SLC6A15: variants seen among roughly 807,000 people sequenced by gnomAD.
SLC6A15 encodes the protein solute carrier family 6 member 15.
In SLC6A15, 33 loss-of-function variants were observed where a neutral mutation model predicts 68.5. That is an observed-to-expected ratio of 0.48 (90% CI 0.37 to 0.64). SLC6A15 has a LOEUF of 0.64. SLC6A15 is among the 30% of genes least tolerant of loss of function. The pLI is 0.00. For synonymous variants in SLC6A15, 347 were observed against 301.0 expected, an observed-to-expected ratio of 1.15 and a Z score of -1.58; for missense variants, 747 against 874.3, an observed-to-expected ratio of 0.85 and a Z score of 1.84.
chr12:84,879,577 C>T (rs758693736), intron 5 of SLC6A15, among the ~76,000 whole-genome samples: 17 of 151,802 alleles, frequency 1.1e-4, no homozygotes, highest in African/African-American at 3.1e-4. Context: ...CCACCCGCCT[C>T]GGCCTCCAAA....
At chr12:84,912,326 G>A (rs1230263326) in intron 1 of SLC6A15, among the ~76,000 whole-genome samples, 197 bp downstream of exon 1, 3 of 152,076 alleles carry the variant, frequency 2.0e-5, no homozygotes, top group Non-Finnish European at 2.9e-5. Flanking sequence ...AGAGTTAGAC[G>A]GTTGCCCGCC....
chr12:84,896,103 T>G (rs1872627613), intron 1 of SLC6A15, among the ~76,000 whole-genome samples: 1 of 152,190 alleles, frequency 6.6e-6, no homozygotes, highest in Admixed American at 6.5e-5. Context: ...CTTAGCAGCA[T>G]CCATTCTTGT....
At chr12:84,905,201 A>C (rs1397127190) in intron 1 of SLC6A15, among the ~76,000 whole-genome samples, 1 of 152,174 alleles carries the variant, frequency 6.6e-6, no homozygotes, top group African/African-American at 2.4e-5. Flanking sequence ...GTGATGTATA[A>C]AAAGAATTAT....
At chr12:84,883,666 A>G in intron 5 of SLC6A15, 193 bp downstream of exon 5, 2 of 1,509,062 alleles carry the variant, frequency 1.3e-6, no homozygotes, top group South Asian at 2.7e-5. Context: ...AGATTTCACT[A>G]TAAAACACTG....
At chr12:84,896,407 C>A (rs1399137841) in intron 1 of SLC6A15, among the ~76,000 whole-genome samples, 2 of 152,078 alleles carry the variant, frequency 1.3e-5, no homozygotes, top group East Asian at 3.8e-4. Flanking sequence ...CGTATCCATG[C>A]CCGTAGATTT....
intron 1 of SLC6A15, among the ~76,000 whole-genome samples, chr12:84,903,465 T>C (rs113234655): frequency 0.041 from 6,270 of 152,186 alleles, 403 homozygotes; most frequent in African/African-American, 0.14. Context: ...TTTAATGTCT[T>C]AAAACAACAG....
At chr12:84,908,729 A>ATG (rs1555183596) in intron 1 of SLC6A15, among the ~76,000 whole-genome samples, 1 of 151,726 alleles carries the variant, frequency 6.6e-6, no homozygotes, top group African/African-American at 2.4e-5. Context: ...GCATATATAT[A>ATG]TGTGTGTATA....
intron 5 of SLC6A15, 44 bp from the exon 6 acceptor site, chr12:84,876,651 T>A (rs774776796): frequency 1.1e-6 from 1 of 885,584 alleles, no homozygotes; most frequent in African/African-American, 1.7e-5. Context: ...ACAATGACCA[T>A]TTTTTTATAG....
chr12:84,881,656 C>G (rs1871827079), intron 5 of SLC6A15: 1 of 980,382 alleles, frequency 1.0e-6, no homozygotes, highest in African/African-American at 1.8e-5. Flanking sequence ...CACCAGCTGA[C>G]TCATTCTTCT....
intron 4 of SLC6A15, among the ~76,000 whole-genome samples, 186 bp downstream of exon 4, chr12:84,885,249 A>C (rs1249858242): frequency 6.6e-6 from 1 of 152,146 alleles, no homozygotes; most frequent in Non-Finnish European, 1.5e-5. Flanking sequence ...GAGCTAAAAA[A>C]ATTAGATGGT....
In SLC6A15 at chr12:84,861,853, T is replaced by C; in HGVS notation, c.1972A>G (p.Lys658Glu). The C allele has an allele frequency of 6.2e-7, 1 of 1,613,898 alleles. No individual in the cohort carries two copies. Among genetic ancestry groups the C allele is most frequent in the Non-Finnish European group, 8.5e-7 (1 of 1,179,914 alleles). Residue 658 changes from lysine (K) to glutamate (E), a missense_variant, in exon 12 of 12, where the codon AAG (lysine) becomes GAG (glutamate). Lys to Glu is a moderately conservative substitution (Grantham distance 56). Coordinates refer to ENST00000266682, the MANE Select transcript of SLC6A15 (RefSeq NM_182767.6). ...SSGNLASVTYKRGRVLKEPVN... is the reference protein window; with the variant it reads ...SSGNLASVTYERGRVLKEPVN... ...GGCTCTTTCAGGACCCTTCCTCTCT[T>C]ATAGGTCACAGATGCTAAATTACCA...
intron 9 of SLC6A15, among the ~76,000 whole-genome samples, chr12:84,869,122 A>T (rs1871179208): frequency 6.6e-6 from 1 of 152,154 alleles, no homozygotes; most frequent in Non-Finnish European, 1.5e-5. Flanking sequence ...ATAAAGGTAT[A>T]TATTTGAGAC....
rs1462488747 is a variant in SLC6A15, at chr12:84,867,289, TTA to T, written c.1496-98_1496-97del. 13 of 1,017,188 alleles carry T rather than the reference TTA, an allele frequency of 1.3e-5. No individual in the cohort carries two copies. In the African/African-American group the frequency reaches 1.8e-4, roughly 14 times the overall value. 63.0% of individuals were successfully genotyped at this position (1,017,188 alleles called of 1,614,324 possible). On this transcript the variant is annotated intron_variant, in intron 9 of 11. Coordinates refer to ENST00000266682, the MANE Select transcript of SLC6A15 (RefSeq NM_182767.6). ...TATTATATTCAAACTTTTAAAACTT[TTA>T]TAACATGTCCATCATATAAACAGGC...
intron 5 of SLC6A15, chr12:84,882,994 T>C (rs1322692676): frequency 1.9e-5 from 19 of 983,434 alleles, no homozygotes; most frequent in Non-Finnish European, 2.3e-5. Context: ...TAGTATATGA[T>C]GATGAGTGGT....
At chr12:84,887,333 C>A (rs574382366) in intron 2 of SLC6A15, among the ~76,000 whole-genome samples, 2 of 152,232 alleles carry the variant, frequency 1.3e-5, no homozygotes, top group African/African-American at 4.8e-5. Context: ...TAGTGGAACA[C>A]AAATACATAG....
At chr12:84,887,609 T>C (rs1477089090) in intron 2 of SLC6A15, among the ~76,000 whole-genome samples, 1 of 152,178 alleles carries the variant, frequency 6.6e-6, no homozygotes, top group African/African-American at 2.4e-5. Flanking sequence ...ATTCAGGAAC[T>C]GCTGACCTGA....
chr12:84,912,722 C>T lies in SLC6A15; in HGVS notation c.-388G>A, dbSNP rs1446319619. The T allele has an allele frequency of 1.3e-5, 2 of 152,758 alleles. No individual in the cohort carries two copies. Among genetic ancestry groups the T allele is most frequent in the African/African-American group, 4.8e-5 (2 of 41,434 alleles). 9.5% of individuals were successfully genotyped at this position (152,758 alleles called of 1,614,324 possible). ...CCCTGCAGGCTGGCAAGGAGAGACT[C>T]GTGAGCGCCTGTGTGTCTGCCAGGG... On this transcript the variant is annotated 5_prime_UTR_variant, in exon 1 of 12. Coordinates refer to ENST00000266682, the MANE Select transcript of SLC6A15 (RefSeq NM_182767.6).
rs576409184 is a variant in SLC6A15 at position 84,880,207 on chromosome 12, GA to G, written c.757-3601del. Among the ~76,000 whole-genome samples the G allele has an allele frequency of 7.7e-4, 117 of 152,256 alleles. No individual in the cohort carries two copies. In the South Asian group the frequency reaches 0.024, roughly 31 times the overall value. On this transcript the variant is annotated intron_variant, in intron 5 of 11. Coordinates refer to ENST00000266682, the MANE Select transcript of SLC6A15 (RefSeq NM_182767.6). The stretch of plus-strand genomic sequence containing the variant: ...ATTTTATTCCTCTGTGAGCAGGTAA[GA>G]GGACAAAATATTTCATTTTTAAATT...
chr12:84,894,694 T>C (rs1872563665), intron 1 of SLC6A15, among the ~76,000 whole-genome samples: 1 of 152,146 alleles, frequency 6.6e-6, no homozygotes, highest in African/African-American at 2.4e-5. Context: ...CTTTGGCTAC[T>C]ACTGCATGTT....
Sources: allele counts gnomAD v4.1 joint callset (sites outside exome capture counted in the v4.1 genomes callset), GRCh38; gene constraint gnomAD v4.1.1; transcripts MANE v1.5; gene names NCBI Gene and HGNC (gene_info 2026-07-23, HGNC 2026-07-21).